The following POU6F2 variants were observed in gnomAD, a reference collection of about 807,000 sequenced individuals.
POU6F2 encodes the protein POU domain, class 6, transcription factor 2.
In POU6F2, 31 loss-of-function variants were observed where a neutral mutation model predicts 71.3. That is an observed-to-expected ratio of 0.43 (90% CI 0.33 to 0.59). The LOEUF (loss-of-function observed/expected upper bound fraction) is 0.59, where lower values mean the gene tolerates loss of function less well. POU6F2 is among the 20% of genes least tolerant of loss of function. The pLI is 0.04. For missense variants in POU6F2, 783 were observed against 856.8 expected (o/e 0.91, Z 1.07); for synonymous variants, 347 against 355.7 (o/e 0.98, Z 0.27).
At chr7:39,285,024 G>C (rs13246666) in intron 4 of POU6F2, among the ~76,000 whole-genome samples, 6 of 152,202 alleles carry the variant, frequency 3.9e-5, no homozygotes, top group Non-Finnish European at 8.8e-5. Flanking sequence ...CAAGCCCACA[G>C]CTTGCATCCC....
chr7:39,190,628 C>CTT (rs1793643422), intron 2 of POU6F2, among the ~76,000 whole-genome samples: 2 of 119,530 alleles, frequency 1.7e-5, no homozygotes, highest in Admixed American at 9.4e-5. Context: ...TTTGAGTCAA[C>CTT]TTCTTTTTTT....
intron 4 of POU6F2, among the ~76,000 whole-genome samples, chr7:39,266,589 G>A (rs1311640696): frequency 6.6e-6 from 1 of 151,882 alleles, no homozygotes; most frequent in Non-Finnish European, 1.5e-5. Flanking sequence ...GGGGCACAAT[G>A]GTGTGATCAT....
chr7:39,395,193 T>C (rs1311598793), intron 5 of POU6F2, among the ~76,000 whole-genome samples: 2 of 152,140 alleles, frequency 1.3e-5, no homozygotes, highest in African/African-American at 4.8e-5. Context: ...CATAAAATAA[T>C]ATACAAGGTC....
intron 8 of POU6F2, among the ~76,000 whole-genome samples, chr7:39,455,108 G>A (rs957302141): frequency 5.9e-5 from 9 of 152,050 alleles, no homozygotes; most frequent in East Asian, 1.9e-4. Context: ...TTATAAGCAG[G>A]GTTTTCAGAA....
chr7:39,158,020 C>T (rs1223672876), intron 2 of POU6F2, among the ~76,000 whole-genome samples: 1 of 152,214 alleles, frequency 6.6e-6, no homozygotes, highest in Non-Finnish European at 1.5e-5. Context: ...GAGCAGGGAT[C>T]TGAAGCAGGC....
At chr7:39,027,528 A>G (rs1467429692) in intron 1 of POU6F2, among the ~76,000 whole-genome samples, 1 of 152,152 alleles carries the variant, frequency 6.6e-6, no homozygotes, top group African/African-American at 2.4e-5. Context: ...TTTTGGTCCA[A>G]GGTCCTCCAA....
intron 5 of POU6F2, among the ~76,000 whole-genome samples, chr7:39,391,129 T>C (rs902101119): frequency 9.2e-5 from 14 of 152,226 alleles, no homozygotes; most frequent in Admixed American, 6.5e-4. Flanking sequence ...TTCCATTTTA[T>C]TTTGGTAAAT....
chr7:39,452,651 C>T (rs1186346341), intron 8 of POU6F2, among the ~76,000 whole-genome samples: 2 of 152,188 alleles, frequency 1.3e-5, no homozygotes, highest in Non-Finnish European at 2.9e-5. Context: ...GGATGGTTGC[C>T]ATGACCTCCC....
At chr7:39,189,426 C>T (rs181036907) in intron 2 of POU6F2, among the ~76,000 whole-genome samples, 30 of 152,188 alleles carry the variant, frequency 2.0e-4, no homozygotes, top group Admixed American at 1.1e-3. Flanking sequence ...GTCGCCAGGC[C>T]GGAGTGCAGT....
At chr7:39,120,145 T>TG (rs1792010420) in intron 2 of POU6F2, among the ~76,000 whole-genome samples, 1 of 152,226 alleles carries the variant, frequency 6.6e-6, no homozygotes, top group African/African-American at 2.4e-5. Flanking sequence ...AATTCAGTTC[T>TG]ATATTATACT....
intron 2 of POU6F2, among the ~76,000 whole-genome samples, chr7:39,143,962 G>A (rs1177173992): frequency 6.6e-6 from 1 of 152,140 alleles, no homozygotes; most frequent in Non-Finnish European, 1.5e-5. Flanking sequence ...ACATATTTAG[G>A]AAGTCTAAAG....
intron 1 of POU6F2, among the ~76,000 whole-genome samples, chr7:39,002,576 G>T (rs1788945359): frequency 6.6e-6 from 1 of 152,184 alleles, no homozygotes; most frequent in African/African-American, 2.4e-5. Flanking sequence ...CGAATCTGTG[G>T]CTTCATGTGA....
chr7:39,012,542 T>C (rs1175980272), intron 1 of POU6F2, among the ~76,000 whole-genome samples: 1 of 151,972 alleles, frequency 6.6e-6, no homozygotes, highest in Non-Finnish European at 1.5e-5. Context: ...TCATTCTCCA[T>C]CCAGCTTTGT....
Position 39,464,290 on chromosome 7 carries a change from G to T in POU6F2, c.1767G>T (p.Arg589Ser). 1 of 1,614,022 alleles carries T rather than the reference G, an allele frequency of 6.2e-7. No individual in the cohort carries two copies. Among genetic ancestry groups the T allele is most frequent in the Non-Finnish European group, 8.5e-7 (1 of 1,179,894 alleles). Residue 589 changes from arginine (R) to serine (S), a missense_variant, in exon 10 of 10, where the codon AGG (arginine) becomes AGT (serine). Arg to Ser is a moderately radical substitution (Grantham distance 110). Around this residue, in one of 2 missense-constraint regions of POU6F2, gnomAD observed 211 missense variants for 283.9 expected, o/e 0.74. Transcript: ENST00000518318. This position sits in a 1 kb window ranked among gnomAD's most constrained non-coding sequence, Gnocchi z 4.1. ...ACCCTGGCCTTTTGTATCCTGCCAG[G>T]TTTGAAAAGCTGGACATCACCCCTA... ...KLNPGLLYPA[R>S]FEKLDITPKS...
intron 2 of POU6F2, among the ~76,000 whole-genome samples, chr7:39,088,174 A>T (rs1791294075): frequency 6.6e-6 from 1 of 152,200 alleles, no homozygotes; most frequent in East Asian, 1.9e-4. Context: ...GTTTCCAATT[A>T]GATCAAGAAG....
chr7:38,993,611 AACACAC>A (rs10553247), intron 1 of POU6F2, among the ~76,000 whole-genome samples: 1,988 of 130,568 alleles, frequency 0.015, 38 homozygotes, highest in Middle Eastern at 0.044. Flanking sequence ...CAGGATTTTA[AACACAC>A]ACACACACAC....
At position 39,161,511 on chromosome 7, in the gene POU6F2, T is replaced by G. The variant is rs73365555; in HGVS notation, c.278-42724T>G. The stretch of plus-strand genomic sequence containing the variant: ...GTAGGTATTAACCCTGCCAGGCAGA[T>G]CCAGGCTGGTATCTTTGTTTTATAG... On this transcript the variant is annotated intron_variant, in intron 2 of 9. Transcript: ENST00000518318. 8.3e-3 allele frequency among the ~76,000 whole-genome samples: 1,265 copies of G among 152,290 alleles called. 15 individuals carry two copies. The highest frequency in any genetic ancestry group is 0.029 in the African/African-American group (1,217 of 41,556).
chr7:39,143,318 G>C (rs1792546263), intron 2 of POU6F2, among the ~76,000 whole-genome samples: 1 of 152,110 alleles, frequency 6.6e-6, no homozygotes. Flanking sequence ...ACCGAGTTCC[G>C]TATACAGAGC....
chr7:39,304,265 C>T (rs2128765438), intron 4 of POU6F2, among the ~76,000 whole-genome samples: 1 of 152,250 alleles, frequency 6.6e-6, no homozygotes, highest in African/African-American at 2.4e-5. Flanking sequence ...TGTTGCATCA[C>T]AGGAAAACAT....
Sources: gnomAD v4.1 joint callset for allele counts (sites outside exome capture counted in the v4.1 genomes callset) on GRCh38, gnomAD v4.1.1 for gene constraint, gnomAD v4.1.1 regional missense constraint, Gnocchi (gnomAD v3.1) non-coding constraint, MANE v1.5 for transcripts, NCBI Gene and HGNC (gene_info 2026-07-23, HGNC 2026-07-21) for gene names.